The following CHRM5 variants were observed in gnomAD, a reference collection of about 807,000 sequenced individuals.
CHRM5 encodes the protein muscarinic acetylcholine receptor M5.
CHRM5 carries 18 observed loss-of-function variants against 39.0 expected under a neutral mutation model. That is an observed-to-expected ratio of 0.46 (90% CI 0.32 to 0.68). The LOEUF is 0.68. Among genes scored for constraint, CHRM5 ranks in the 30% least tolerant of loss-of-function variants. The probability of loss-of-function intolerance (pLI) is 0.04; values close to 1 mark genes in which losing one functional copy is unlikely to be tolerated. For synonymous variants in CHRM5, 241 were observed against 246.3 expected (o/e 0.98, Z 0.20); for missense variants, 515 against 651.1 (o/e 0.79, Z 2.28).
rs34918742 is a variant in CHRM5 at position 34,062,356 on chromosome 15, C to T, written c.-75-287C>T. Among the ~76,000 whole-genome samples the T allele has an allele frequency of 3.0e-3, 450 of 152,132 alleles. 1 individual carries two copies. The highest frequency in any genetic ancestry group is 5.0e-3 in the Non-Finnish European group (343 of 68,004). ...GGATCACGAAGTCAGGAGATCGAGA[C>T]CATCCCGCCTAACACAGTGAAACCC... On this transcript the variant is annotated intron_variant, in intron 2 of 2. Transcript: ENST00000383263.
At chr15:34,025,806 G>A (rs1176837349) in intron 1 of CHRM5, among the ~76,000 whole-genome samples, 1 of 150,466 alleles carries the variant, frequency 6.6e-6, no homozygotes, top group Non-Finnish European at 1.5e-5. Context: ...AGCGGAGGAA[G>A]GAGAAAAAGA....
chr15:33,985,165 G>A (rs1466368165), intron 1 of CHRM5, among the ~76,000 whole-genome samples: 1 of 151,930 alleles, frequency 6.6e-6, no homozygotes, highest in Non-Finnish European at 1.5e-5. Flanking sequence ...TTATCTGTAA[G>A]CTAACAGGTT....
intron 1 of CHRM5, among the ~76,000 whole-genome samples, chr15:34,031,319 C>T (rs1425864490): frequency 2.0e-5 from 3 of 151,780 alleles, no homozygotes; most frequent in South Asian, 2.1e-4. Flanking sequence ...GGATTACAGG[C>T]GCATGCCACC....
intron 1 of CHRM5, among the ~76,000 whole-genome samples, chr15:34,020,756 C>T (rs1178380765): frequency 6.6e-6 from 1 of 152,114 alleles, no homozygotes; most frequent in East Asian, 1.9e-4. Flanking sequence ...TGAAATTAGG[C>T]CAAATTTCGT....
In CHRM5 at chr15:34,063,213, A is replaced by T; in HGVS notation, c.496A>T (p.Ile166Phe). Residue 166 changes from isoleucine (I) to phenylalanine (F), a missense_variant, in exon 3 of 3, where the codon ATC becomes TTC. Transcript: ENST00000383263. The surrounding 1 kb of genome is among the most constrained non-coding windows in gnomAD (Gnocchi z 4.1). The part of the protein sequence containing the change: ...LISFILWAPA[I>F]LCWQYLVGKR... ...CTCCTTCATCCTCTGGGCCCCAGCA[A>T]TCCTCTGCTGGCAGTACTTGGTTGG... 6.2e-7 allele frequency: 1 copy of T among 1,614,158 alleles called. No individual in the cohort carries two copies. The highest frequency in any genetic ancestry group is 8.5e-7 in the Non-Finnish European group (1 of 1,180,028).
At chr15:34,021,510 C>T (rs1466624179) in intron 1 of CHRM5, among the ~76,000 whole-genome samples, 2 of 152,036 alleles carry the variant, frequency 1.3e-5, no homozygotes, top group Non-Finnish European at 2.9e-5. Context: ...GTCTGGAACT[C>T]CTGACCTCAG....
chr15:34,039,186 G>A, intron 1 of CHRM5: 1 of 703,678 alleles, frequency 1.4e-6, no homozygotes, highest in Non-Finnish European at 1.8e-6. Context: ...CGGGGCTAGG[G>A]ATCGAGGCCG....
intron 1 of CHRM5, among the ~76,000 whole-genome samples, chr15:34,019,942 T>C (rs1018646339): frequency 6.6e-5 from 10 of 152,252 alleles, no homozygotes; most frequent in African/African-American, 1.9e-4. Context: ...AGTTCTTTTG[T>C]ATGCAATTAC....
intron 1 of CHRM5, among the ~76,000 whole-genome samples, chr15:33,982,392 T>C (rs965942835): frequency 1.3e-5 from 2 of 152,074 alleles, no homozygotes; most frequent in Non-Finnish European, 2.9e-5. Flanking sequence ...CCAAATGCTA[T>C]GCTCTGCCAA....
At chr15:34,059,120 T>C (rs1325436860) in intron 2 of CHRM5, among the ~76,000 whole-genome samples, 1 of 149,466 alleles carries the variant, frequency 6.7e-6, no homozygotes, top group African/African-American at 2.6e-5. Context: ...TGGTCTCGAA[T>C]TCCTGACCTC....
At chr15:33,974,503 AT>A (rs1210035279) in intron 1 of CHRM5, among the ~76,000 whole-genome samples, 1 of 152,236 alleles carries the variant, frequency 6.6e-6, no homozygotes, top group Non-Finnish European at 1.5e-5. Context: ...CTCAACCCCT[AT>A]GATAGAAATT....
chr15:33,971,456 A>T (rs929079683), intron 1 of CHRM5, among the ~76,000 whole-genome samples: 1 of 152,008 alleles, frequency 6.6e-6, no homozygotes, highest in African/African-American at 2.4e-5. Flanking sequence ...TTTTTATTTA[A>T]ACTATGATAA....
chr15:34,065,615 T>TA lies in CHRM5; in HGVS notation c.*1304dup, dbSNP rs1435235945. 1 of 152,214 alleles carries TA rather than the reference T, an allele frequency of 6.6e-6. No individual in the cohort carries two copies. The highest frequency in any genetic ancestry group is 1.5e-5 in the Non-Finnish European group (1 of 68,046). 9.4% of individuals were successfully genotyped at this position (152,214 alleles called of 1,614,324 possible). A position where few individuals can be genotyped will look rare whatever the true frequency, so the allele number is the denominator to read the frequency against. On this transcript the variant is annotated 3_prime_UTR_variant, in exon 3 of 3. Coordinates refer to ENST00000383263, the MANE Select transcript of CHRM5 (RefSeq NM_012125.4). ...GAAAATGATCTGAAAGCTTCATTTT[T>TA]AAAAACAAAGTGTAGGTCATAGTAA...
At chr15:34,049,532 T>C (rs1031534959) in intron 2 of CHRM5, among the ~76,000 whole-genome samples, 1 of 152,040 alleles carries the variant, frequency 6.6e-6, no homozygotes, top group African/African-American at 2.4e-5. Context: ...GATCATGGGA[T>C]TATGTAAAGC....
At chr15:34,009,075 C>T (rs766381016) in intron 1 of CHRM5, among the ~76,000 whole-genome samples, 2 of 151,766 alleles carry the variant, frequency 1.3e-5, no homozygotes, top group African/African-American at 2.4e-5. Flanking sequence ...TCAGAATCAA[C>T]GGAAGCCAGA....
intron 2 of CHRM5, 105 bp from the exon 3 acceptor site, chr15:34,062,538 A>G (rs8033781): frequency 0.18 from 101,674 of 566,594 alleles, 11,833 homozygotes; most frequent in Middle Eastern, 0.25. Context: ...CTGGGTGACA[A>G]AGCGAGATTC....
intron 1 of CHRM5, among the ~76,000 whole-genome samples, chr15:34,007,557 G>A (rs1440601343): frequency 6.6e-6 from 1 of 152,050 alleles, no homozygotes; most frequent in Non-Finnish European, 1.5e-5. Context: ...TCAAGACAAC[G>A]TAGGCTGCTT....
At chr15:34,023,745 G>A (rs1898314659) in intron 1 of CHRM5, among the ~76,000 whole-genome samples, 1 of 152,148 alleles carries the variant, frequency 6.6e-6, no homozygotes, top group Non-Finnish European at 1.5e-5. Flanking sequence ...AATATTAAAA[G>A]TAAACAGCTG....
At chr15:34,052,935 G>T (rs1359789836) in intron 2 of CHRM5, among the ~76,000 whole-genome samples, 1 of 152,084 alleles carries the variant, frequency 6.6e-6, no homozygotes, top group Non-Finnish European at 1.5e-5. Flanking sequence ...GTAGTTTATA[G>T]ATTCAATGCT....
Sources: gnomAD v4.1 joint callset for allele counts (sites outside exome capture counted in the v4.1 genomes callset) on GRCh38, gnomAD v4.1.1 for gene constraint, Gnocchi (gnomAD v3.1) non-coding constraint, MANE v1.5 for transcripts, NCBI Gene and HGNC (gene_info 2026-07-23, HGNC 2026-07-21) for gene names.